DUXA: variants seen among roughly 807,000 people sequenced by gnomAD.
DUXA encodes double homeobox protein A.
In DUXA, 25 loss-of-function variants were observed where a neutral mutation model predicts 27.5. That is an observed-to-expected ratio of 0.91 (90% CI 0.66 to 1.27). The LOEUF is 1.27. DUXA is among the 50% of genes most tolerant of loss of function. The pLI is 0.00. For missense variants in DUXA, 247 were observed against 242.9 expected (o/e 1.02, Z -0.11); for synonymous variants, 90 against 80.5 (o/e 1.12, Z -0.63).
intron 4 of DUXA, 22 bp from the exon 5 acceptor site, chr19:57,155,394 CTT>C: frequency 6.4e-7 from 1 of 1,559,052 alleles, no homozygotes; most frequent in Non-Finnish European, 8.8e-7. Flanking sequence ...GACAAAGAAA[CTT>C]AATTTAAACA....
intron 4 of DUXA, among the ~76,000 whole-genome samples, chr19:57,155,918 C>G (rs749932061): frequency 5.9e-5 from 9 of 152,180 alleles, no homozygotes; most frequent in Non-Finnish European, 8.8e-5. Flanking sequence ...ATCCACCCAC[C>G]TCAGCCTCCC....
chr19:57,160,285 A>G (rs1307955059), intron 2 of DUXA, among the ~76,000 whole-genome samples: 1 of 152,234 alleles, frequency 6.6e-6, no homozygotes, highest in Non-Finnish European at 1.5e-5. Flanking sequence ...AAAAATAAAA[A>G]TAAAAGATTG....
chr19:57,155,653 A>T (rs2122687925), intron 4 of DUXA, among the ~76,000 whole-genome samples: 1 of 149,010 alleles, frequency 6.7e-6, no homozygotes, highest in East Asian at 2.0e-4. Flanking sequence ...CCCAAGATAG[A>T]TAGATAGATA....
chr19:57,161,826 C>T (rs142814587), intron 1 of DUXA, among the ~76,000 whole-genome samples: 1,680 of 152,092 alleles, frequency 0.011, 35 homozygotes, highest in African/African-American at 0.035. Flanking sequence ...ACCATTTCAA[C>T]CCCTTTCAGT....
chr19:57,156,240 AAC>A (rs1267787564), intron 4 of DUXA, among the ~76,000 whole-genome samples: 1 of 152,192 alleles, frequency 6.6e-6, no homozygotes, highest in Non-Finnish European at 1.5e-5. Context: ...TGTCTAGGAA[AAC>A]ATTCTTCATC....
chr19:57,154,344 C>A lies in DUXA; in HGVS notation c.*68G>T. 6.9e-7 allele frequency: 1 copy of A among 1,454,122 alleles called. No homozygotes were observed. The highest frequency in any genetic ancestry group is 9.6e-7 in the Non-Finnish European group (1 of 1,038,946). The allele number at this position is 1,454,122 out of a possible 1,614,324, so 90.1% of individuals were successfully genotyped here. On this transcript the variant is annotated 3_prime_UTR_variant, in exon 6 of 6. Transcript: ENST00000554048. ...TGCAGTTTCAGCAGAAGGATAGACT[C>A]CCAGGAAGACCGTGAGACAGATTTG...
chr19:57,166,558 G>A (rs60333289), intron 1 of DUXA, among the ~76,000 whole-genome samples: 1 of 152,000 alleles, frequency 6.6e-6, no homozygotes, highest in Non-Finnish European at 1.5e-5. Flanking sequence ...TCTGCCCACC[G>A]CGGCCTCCCA....
intron 2 of DUXA, among the ~76,000 whole-genome samples, chr19:57,159,884 C>T (rs892960622): frequency 2.0e-5 from 3 of 151,936 alleles, no homozygotes; most frequent in Admixed American, 2.0e-4. Flanking sequence ...AGGCAGATCA[C>T]GAGGTCAGGA....
chr19:57,165,492 AAATT>A (rs2087048980), intron 1 of DUXA, among the ~76,000 whole-genome samples: 1 of 151,786 alleles, frequency 6.6e-6, no homozygotes, highest in Non-Finnish European at 1.5e-5. Flanking sequence ...AAGTGTTAAA[AAATT>A]ATTAACGCCT....
intron 1 of DUXA, 75 bp from the exon 2 acceptor site, chr19:57,160,872 T>C: frequency 6.6e-7 from 1 of 1,523,422 alleles, no homozygotes; most frequent in Non-Finnish European, 8.9e-7. Context: ...CAAGCTAGTC[T>C]CTCACTTCCT....
intron 4 of DUXA, among the ~76,000 whole-genome samples, 181 bp downstream of exon 4, chr19:57,158,147 G>T (rs975375485): frequency 1.3e-5 from 2 of 152,192 alleles, no homozygotes; most frequent in African/African-American, 4.8e-5. Context: ...GAAAATACCA[G>T]AAGGGGATGT....
chr19:57,166,058 C>T (rs2122702581), intron 1 of DUXA, among the ~76,000 whole-genome samples: 1 of 151,994 alleles, frequency 6.6e-6, no homozygotes. Flanking sequence ...AGGCTTGAGG[C>T]ACATTAGAGA....
At position 57,154,156 on chromosome 19, in the gene DUXA, G is replaced by T; in HGVS notation, c.*256C>A. 5.2e-6 allele frequency: 2 copies of T among 381,054 alleles called. No individual in the cohort carries two copies. The highest frequency in any genetic ancestry group is 2.1e-5 in the African/African-American group (1 of 48,000). The allele number at this position is 381,054 out of a possible 1,614,324, so 23.6% of individuals were successfully genotyped here. A position where few individuals can be genotyped will look rare whatever the true frequency, so the allele number is the denominator to read the frequency against. On this transcript the variant is annotated 3_prime_UTR_variant, in exon 6 of 6. Coordinates refer to ENST00000554048, the MANE Select transcript of DUXA (RefSeq NM_001012729.2). ...TCCTACAGTCCTTTTCATTTATTTT[G>T]TTTTTTTATAATAGAGGCAGAGTCT... is the stretch of plus-strand genomic sequence containing the variant.
chr19:57,159,526 G>A (rs2087009702), intron 2 of DUXA, among the ~76,000 whole-genome samples: 1 of 151,914 alleles, frequency 6.6e-6, no homozygotes, highest in African/African-American at 2.4e-5. Flanking sequence ...TATTCTCCTG[G>A]CTCAGACTCC....
At position 57,154,815 on chromosome 19, in the gene DUXA, G is replaced by A. The variant is rs932625564; in HGVS notation, c.545-333C>T. Among the ~76,000 whole-genome samples, 6 of 152,144 alleles carry A rather than the reference G, an allele frequency of 3.9e-5. No individual in the cohort carries two copies. The South Asian group carries it at 8.3e-4, about 21-fold the overall frequency. On this transcript the variant is annotated intron_variant, in intron 5 of 5. Transcript: ENST00000554048. Reference sequence around the variant, plus strand: ...CCTGACCTCGTGATCCGCCCACCTCGGCCTCCCAAAGTGCTGGGATTACAG... The same window carrying A: ...CCTGACCTCGTGATCCGCCCACCTCAGCCTCCCAAAGTGCTGGGATTACAG...
At chr19:57,156,886 G>A (rs926491539) in intron 4 of DUXA, among the ~76,000 whole-genome samples, 7 of 152,148 alleles carry the variant, frequency 4.6e-5, no homozygotes, top group South Asian at 2.1e-4. Flanking sequence ...GGCTGGTCTC[G>A]AACTCCCGAC....
intron 3 of DUXA, 95 bp from the exon 4 acceptor site, chr19:57,158,568 C>T: frequency 6.8e-7 from 1 of 1,468,184 alleles, no homozygotes; most frequent in Admixed American, 2.0e-5. Flanking sequence ...TTGTCACTCT[C>T]CCTCCAATTT....
At chr19:57,155,221 C>G in intron 5 of DUXA, 46 bp downstream of exon 5, 1 of 1,568,384 alleles carries the variant, frequency 6.4e-7, no homozygotes, top group Non-Finnish European at 8.8e-7. Context: ...ACTGGACATC[C>G]AAGGGCTCCG....
At chr19:57,161,714 T>C (rs1052541593) in intron 1 of DUXA, among the ~76,000 whole-genome samples, 1 of 151,840 alleles carries the variant, frequency 6.6e-6, no homozygotes, top group Non-Finnish European at 1.5e-5. Flanking sequence ...TAAAAAACAA[T>C]GTGTTCTGTT....
Sources: gnomAD v4.1 joint callset for allele counts (sites outside exome capture counted in the v4.1 genomes callset) on GRCh38, gnomAD v4.1.1 for gene constraint, MANE v1.5 for transcripts, NCBI Gene and HGNC (gene_info 2026-07-23, HGNC 2026-07-21) for gene names.